Variants in TBL1X observed in about 807,000 individuals in gnomAD.
TBL1X encodes the protein F-box-like/WD repeat-containing protein TBL1X.
TBL1X carries 10 observed loss-of-function variants against 50.7 expected under a neutral mutation model. The ratio of observed to expected loss-of-function variants is 0.20; its 90% CI spans 0.12 to 0.33. The LOEUF (loss-of-function observed/expected upper bound fraction) is 0.33, where lower values mean the gene tolerates loss of function less well. Among genes scored for constraint, TBL1X ranks in the 10% least tolerant of loss-of-function variants. TBL1X has a pLI of 1.00. For synonymous variants in TBL1X, 190 were observed against 214.7 expected, an observed-to-expected ratio of 0.88 and a Z score of 1.01; for missense variants, 340 against 504.4, an observed-to-expected ratio of 0.67 and a Z score of 3.12.
chrX:9,542,658 A>G (rs1227830254), intron 2 of TBL1X, among the ~76,000 whole-genome samples: 1 of 111,838 alleles, frequency 8.9e-6, no homozygotes, highest in Non-Finnish European at 1.9e-5. Context: ...GCTGTTTGTA[A>G]AGCAGAATGG....
chrX:9,654,783 C>G (rs759968521), intron 5 of TBL1X, among the ~76,000 whole-genome samples: 1 of 111,132 alleles, frequency 9.0e-6, no homozygotes, highest in African/African-American at 3.3e-5. Context: ...TTTTTGATTA[C>G]CACTGAGACA....
intron 2 of TBL1X, among the ~76,000 whole-genome samples, chrX:9,514,094 A>T (rs1368391015): frequency 9.0e-6 from 1 of 111,009 alleles, no homozygotes; most frequent in African/African-American, 3.3e-5. Context: ...AGATTTGGAA[A>T]GGGAAGACAT....
At chrX:9,671,852 T>C (rs750931192) in intron 5 of TBL1X, among the ~76,000 whole-genome samples, 1 of 112,697 alleles carries the variant, frequency 8.9e-6, no homozygotes, top group African/African-American at 3.2e-5. Flanking sequence ...GTTCTCTTGG[T>C]GTGATTATAA....
chrX:9,635,606 G>C (rs2082742565), intron 2 of TBL1X, among the ~76,000 whole-genome samples: 1 of 112,007 alleles, frequency 8.9e-6, no homozygotes, highest in Admixed American at 9.4e-5. Flanking sequence ...TTGCCAAGCA[G>C]GGCTCTGGCA....
chrX:9,700,988 A>T (rs1249381348), intron 12 of TBL1X, among the ~76,000 whole-genome samples: 1 of 110,154 alleles, frequency 9.1e-6, no homozygotes, highest in Non-Finnish European at 1.9e-5. Flanking sequence ...GTGCTGTGGG[A>T]GTTGAGGGAG....
intron 2 of TBL1X, among the ~76,000 whole-genome samples, chrX:9,601,154 C>T (rs2082554544): frequency 9.0e-6 from 1 of 111,542 alleles, no homozygotes; most frequent in Non-Finnish European, 1.9e-5. Flanking sequence ...ACATTCAGGG[C>T]CTGGAGGGTG....
At chrX:9,615,144 C>T (rs2082633413) in intron 2 of TBL1X, among the ~76,000 whole-genome samples, 1 of 111,860 alleles carries the variant, frequency 8.9e-6, no homozygotes, top group South Asian at 3.7e-4. Context: ...TGCTTTACCC[C>T]TTTTCTCCTG....
At chrX:9,695,814 C>G (rs1212028939) in intron 11 of TBL1X, among the ~76,000 whole-genome samples, 1 of 112,312 alleles carries the variant, frequency 8.9e-6, no homozygotes, top group African/African-American at 3.2e-5. Context: ...TTCCTGGCCT[C>G]CTTCCTACCT....
intron 2 of TBL1X, among the ~76,000 whole-genome samples, chrX:9,597,879 G>A (rs896654734): frequency 8.9e-5 from 10 of 111,896 alleles, no homozygotes; most frequent in African/African-American, 3.3e-4. Flanking sequence ...CCCGGCTCCA[G>A]TGTTGTTAAT....
intron 2 of TBL1X, among the ~76,000 whole-genome samples, chrX:9,504,937 C>T (rs769101349): frequency 9.0e-6 from 1 of 111,554 alleles, no homozygotes; most frequent in South Asian, 3.8e-4. Flanking sequence ...ACAGGCCAAC[C>T]TGCAAATTCA....
intron 1 of TBL1X, among the ~76,000 whole-genome samples, chrX:9,488,102 T>C (rs1366364322): frequency 8.9e-6 from 1 of 112,511 alleles, no homozygotes; most frequent in Admixed American, 9.5e-5. Context: ...CTGGGGCATC[T>C]GTACCTGCAA....
intron 2 of TBL1X, among the ~76,000 whole-genome samples, chrX:9,623,933 C>G (rs2082679804): frequency 8.9e-6 from 1 of 111,735 alleles, no homozygotes; most frequent in African/African-American, 3.3e-5. Flanking sequence ...GTAGGAGATG[C>G]AGAGTGTAAA....
intron 2 of TBL1X, among the ~76,000 whole-genome samples, chrX:9,528,906 G>A (rs1191545936): frequency 1.8e-5 from 2 of 110,957 alleles, no homozygotes; most frequent in African/African-American, 6.6e-5. Context: ...TGGAGATGGG[G>A]GGAAGCCCTG....
intron 2 of TBL1X, among the ~76,000 whole-genome samples, chrX:9,518,407 C>T (rs2082091301): frequency 8.9e-6 from 1 of 112,096 alleles, no homozygotes. Context: ...TCATTTCCAC[C>T]CTACTCTCAT....
chrX:9,703,273 G>T (rs759450557), intron 12 of TBL1X, among the ~76,000 whole-genome samples: 29 of 105,000 alleles, frequency 2.8e-4, no homozygotes, highest in African/African-American at 9.9e-4. Flanking sequence ...GAAGGGAAGA[G>T]ATCACCAGAG....
At chrX:9,591,187 C>G (rs770845053) in intron 2 of TBL1X, among the ~76,000 whole-genome samples, 61 of 111,202 alleles carry the variant, frequency 5.5e-4, no homozygotes, top group Non-Finnish European at 1.1e-3. Flanking sequence ...TATGCTCTGT[C>G]AAAGAAACTA....
rs749296389 is a variant in TBL1X at position 9,594,372 on chromosome X, A to G, written c.-130-45901A>G. On this transcript the variant is annotated intron_variant, in intron 2 of 17. Coordinates refer to ENST00000645353, the MANE Select transcript of TBL1X (RefSeq NM_005647.4). ...GACACATTTTTAGGTGGAGGTTAGT[A>G]TGTTTTAGTTCTCAGGATTTCTAGG... is the stretch of plus-strand genomic sequence containing the variant. 4.8e-4 allele frequency among the ~76,000 whole-genome samples: 54 copies of G among 112,287 alleles called. 1 individual carries two copies. Among genetic ancestry groups the G allele is most frequent in the South Asian group, 1.8e-3 (5 of 2,710 alleles).
chrX:9,499,424 A>G (rs1374516893), intron 1 of TBL1X, among the ~76,000 whole-genome samples: 1 of 112,213 alleles, frequency 8.9e-6, no homozygotes, highest in Non-Finnish European at 1.9e-5. Context: ...GTTACTCATC[A>G]TTGTACCAGT....
chrX:9,592,264 C>G (rs772292500), intron 2 of TBL1X, among the ~76,000 whole-genome samples: 34 of 111,683 alleles, frequency 3.0e-4, no homozygotes, highest in Admixed American at 2.8e-3. Context: ...TCCAAGCATG[C>G]ACTAAGCGGC....
Sources: gnomAD v4.1 joint callset for allele counts (sites outside exome capture counted in the v4.1 genomes callset) on GRCh38, gnomAD v4.1.1 for gene constraint, MANE v1.5 for transcripts, NCBI Gene and HGNC (gene_info 2026-07-23, HGNC 2026-07-21) for gene names.